SMCHD1: variants seen among roughly 807,000 people sequenced by gnomAD.
SMCHD1 encodes the protein structural maintenance of chromosomes flexible hinge domain containing 1, also known as structural maintenance of chromosomes flexible hinge domain-containing protein 1.
A neutral mutation model predicts 254.7 loss-of-function variants in SMCHD1; 78 were observed. That is an observed-to-expected ratio of 0.31 (90% CI 0.26 to 0.37). SMCHD1 has a LOEUF of 0.37. Ranked by LOEUF, SMCHD1 falls within the 10% of genes least tolerant of loss-of-function variation. The pLI is 1.00. For missense variants in SMCHD1, 1,840 were observed against 2,408.1 expected (o/e 0.76, Z 4.94); for synonymous variants, 766 against 794.9 (o/e 0.96, Z 0.61).
intron 34 of SMCHD1, among the ~76,000 whole-genome samples, chr18:2,759,540 A>G (rs1422733140): frequency 6.8e-5 from 5 of 73,604 alleles, no homozygotes; most frequent in African/African-American, 2.0e-4. Context: ...TTGGCCTGCC[A>G]TTTGGAAGCA....
chr18:2,718,185 C>T lies in SMCHD1; in HGVS notation c.2288C>T (p.Ser763Leu). ...HSSSGNKEII[S>L]HISQHGGKWP... ...TCAAGTGGAAATAAAGAGATTATTT[C>T]GCATATTAGTCAACATGGAGGAAAA... Residue 763 changes from serine to leucine, a missense_variant, in exon 18 of 48, where the codon TCG becomes TTG. Transcript: ENST00000320876. The surrounding 1 kb of genome is among the most constrained non-coding windows in gnomAD (Gnocchi z 4.6). 3.7e-6 allele frequency: 6 copies of T among 1,611,328 alleles called. No homozygotes were observed. Among genetic ancestry groups the T allele is most frequent in the South Asian group, 1.1e-5 (1 of 90,804 alleles).
chr18:2,767,161 G>C (rs776937161), intron 37 of SMCHD1, among the ~76,000 whole-genome samples: 12 of 151,988 alleles, frequency 7.9e-5, no homozygotes, highest in Non-Finnish European at 1.8e-4. Flanking sequence ...AGGCAGCTGA[G>C]GTGGGAAGAT....
chr18:2,765,807 GA>G (rs1676597856), intron 37 of SMCHD1, among the ~76,000 whole-genome samples: 2 of 152,132 alleles, frequency 1.3e-5, no homozygotes, highest in African/African-American at 4.8e-5. Flanking sequence ...TTATAGTGGA[GA>G]ATAAAGTAAG....
chr18:2,695,300 T>C (rs2074262512), intron 8 of SMCHD1, among the ~76,000 whole-genome samples: 1 of 148,656 alleles, frequency 6.7e-6, no homozygotes, highest in South Asian at 2.1e-4. Context: ...TTAATGGCTC[T>C]AAAAAAAAAT....
intron 1 of SMCHD1, among the ~76,000 whole-genome samples, chr18:2,660,854 A>G (rs1223435488): frequency 1.3e-5 from 2 of 152,088 alleles, no homozygotes; most frequent in Non-Finnish European, 2.9e-5. Flanking sequence ...ATTAAAAACC[A>G]TGGATTTTTA....
chr18:2,780,072 C>A (rs12454321), intron 44 of SMCHD1, among the ~76,000 whole-genome samples: 37,829 of 151,434 alleles, frequency 0.25, 4,827 homozygotes, highest in South Asian at 0.35. Flanking sequence ...AATCCCGTCT[C>A]TACTAAAAAT....
At chr18:2,767,111 G>A (rs953196645) in intron 37 of SMCHD1, among the ~76,000 whole-genome samples, 3 of 151,978 alleles carry the variant, frequency 2.0e-5, no homozygotes, top group African/African-American at 7.3e-5. Context: ...TTAAAAATTA[G>A]CCAAGCATGG....
chr18:2,689,808 G>C (rs982129007), intron 7 of SMCHD1, among the ~76,000 whole-genome samples: 3 of 144,046 alleles, frequency 2.1e-5, no homozygotes, highest in Non-Finnish European at 4.5e-5. Context: ...TTGAACTCAG[G>C]AGTTTAAGAC....
intron 45 of SMCHD1, chr18:2,784,958 A>G (rs1028538251): frequency 9.7e-5 from 37 of 381,240 alleles, no homozygotes; most frequent in African/African-American, 5.4e-4. Flanking sequence ...AAAAAAAAAA[A>G]AAGAAGAAAT....
At chr18:2,688,347 C>A in intron 5 of SMCHD1, 47 bp from the exon 6 acceptor site, 3 of 1,359,224 alleles carry the variant, frequency 2.2e-6, no homozygotes, top group Non-Finnish European at 3.2e-6. Context: ...TTTCTTTTGA[C>A]ACTTAACTAG....
chr18:2,668,936 G>A (rs76669972), intron 3 of SMCHD1, among the ~76,000 whole-genome samples: 11 of 151,356 alleles, frequency 7.3e-5, no homozygotes, highest in South Asian at 2.1e-4. Flanking sequence ...TTGCAGTAAC[G>A]TGACCATAGC....
chr18:2,724,183 C>A (rs1433652133), intron 20 of SMCHD1, among the ~76,000 whole-genome samples: 1 of 149,714 alleles, frequency 6.7e-6, no homozygotes, highest in Non-Finnish European at 1.5e-5. Flanking sequence ...ACAGTTTATT[C>A]TGAAAATACC....
At chr18:2,801,351 TG>T (rs2076358903) in intron 47 of SMCHD1, 1 of 152,194 alleles carries the variant, frequency 6.6e-6, no homozygotes, top group Non-Finnish European at 1.5e-5. Flanking sequence ...AGCTATCATT[TG>T]TTTAGCTTTG....
intron 1 of SMCHD1, among the ~76,000 whole-genome samples, chr18:2,661,529 A>G (rs2073253517): frequency 1.3e-5 from 2 of 151,170 alleles, no homozygotes; most frequent in Non-Finnish European, 2.9e-5. Flanking sequence ...GGTTTTTAAT[A>G]TGGATTAAAC....
chr18:2,723,244 C>T (rs2074962333), intron 20 of SMCHD1, among the ~76,000 whole-genome samples: 1 of 152,098 alleles, frequency 6.6e-6, no homozygotes, highest in East Asian at 1.9e-4. Context: ...ATACCGTTTT[C>T]ACTGATAAAG....
At chr18:2,745,644 C>T (rs1366254234) in intron 29 of SMCHD1, among the ~76,000 whole-genome samples, 1 of 151,954 alleles carries the variant, frequency 6.6e-6, no homozygotes, top group Non-Finnish European at 1.5e-5. Context: ...TTGACTGTTA[C>T]CTGGAACAGT....
chr18:2,688,046 T>C (rs2074092128), intron 5 of SMCHD1, among the ~76,000 whole-genome samples: 1 of 152,236 alleles, frequency 6.6e-6, no homozygotes, highest in Non-Finnish European at 1.5e-5. Flanking sequence ...CAGACAATAT[T>C]TTAGCAAGTT....
intron 37 of SMCHD1, among the ~76,000 whole-genome samples, chr18:2,767,424 G>C (rs1020628679): frequency 1.3e-5 from 2 of 151,974 alleles, no homozygotes; most frequent in Non-Finnish European, 2.9e-5. Context: ...GAGAAATATT[G>C]ATTTTGCTGT....
intron 1 of SMCHD1, among the ~76,000 whole-genome samples, chr18:2,663,576 A>G (rs760703169): frequency 6.6e-6 from 1 of 152,110 alleles, no homozygotes; most frequent in African/African-American, 2.4e-5. Flanking sequence ...TGAGATAACT[A>G]GTTGTCTTAA....
Sources: allele counts gnomAD v4.1 joint callset (sites outside exome capture counted in the v4.1 genomes callset), GRCh38; gene constraint gnomAD v4.1.1; non-coding constraint Gnocchi (gnomAD v3.1); transcripts MANE v1.5; gene names NCBI Gene and HGNC (gene_info 2026-07-23, HGNC 2026-07-21).